Variants in FAR2 observed in about 807,000 individuals in gnomAD.
The protein encoded by FAR2 is epididymis secretory protein Li 81.
FAR2 carries 19 observed loss-of-function variants against 56.0 expected under a neutral mutation model. The observed-to-expected ratio is 0.34, with a 90% confidence interval of 0.24 to 0.50. The LOEUF (loss-of-function observed/expected upper bound fraction) is 0.50. Among genes scored for constraint, FAR2 ranks in the 20% least tolerant of loss-of-function variants. FAR2 has a pLI of 0.98. For synonymous variants in FAR2, 219 were observed against 218.8 expected, an observed-to-expected ratio of 1.00 and a Z score of -0.01; for missense variants, 508 against 642.2, an observed-to-expected ratio of 0.79 and a Z score of 2.26.
chr12:29,300,078 A>T (rs1388913239), intron 4 of FAR2, among the ~76,000 whole-genome samples: 1 of 152,186 alleles, frequency 6.6e-6, no homozygotes, highest in Non-Finnish European at 1.5e-5. Context: ...TCACTGAATG[A>T]ATGAAAAGCT....
intron 2 of FAR2, among the ~76,000 whole-genome samples, chr12:29,273,129 G>A (rs1414831940): frequency 6.6e-6 from 1 of 152,128 alleles, no homozygotes; most frequent in Non-Finnish European, 1.5e-5. Context: ...TGTGGCATTG[G>A]GAGTAGGACC....
chr12:29,252,359 C>A (rs2136678149), intron 1 of FAR2, among the ~76,000 whole-genome samples: 1 of 152,114 alleles, frequency 6.6e-6, no homozygotes, highest in South Asian at 2.1e-4. Context: ...ATTATGACTA[C>A]CTGGAGTGCT....
intron 1 of FAR2, among the ~76,000 whole-genome samples, chr12:29,262,658 T>A (rs1482350223): frequency 6.6e-6 from 1 of 151,396 alleles, no homozygotes; most frequent in Non-Finnish European, 1.5e-5. Flanking sequence ...AATAAATAAA[T>A]AAATAAAGCA....
intron 1 of FAR2, among the ~76,000 whole-genome samples, chr12:29,155,265 T>C (rs765850880): frequency 4.6e-5 from 7 of 152,194 alleles, no homozygotes; most frequent in Non-Finnish European, 1.0e-4. Context: ...TATCTGATCT[T>C]TGTAAGCCAT....
chr12:29,262,101 A>G (rs919772701), intron 1 of FAR2, among the ~76,000 whole-genome samples: 2 of 152,222 alleles, frequency 1.3e-5, no homozygotes, highest in African/African-American at 4.8e-5. Context: ...AATAACTCCA[A>G]CAATTTTTCA....
intron 2 of FAR2, among the ~76,000 whole-genome samples, chr12:29,287,457 G>C (rs940222554): frequency 3.3e-5 from 5 of 152,160 alleles, no homozygotes; most frequent in Admixed American, 3.3e-4. Context: ...ACTTATTTGT[G>C]TTTGTTTTCA....
rs1187434379 is a variant in FAR2 at position 29,303,059 on chromosome 12, G to GA, written c.546-4599_546-4598insA. On this transcript the variant is annotated intron_variant, in intron 4 of 11. Transcript: ENST00000536681. ...GAAATTTTACTCCATGAAGCAATGC[G>GA]TTTTTGAGAGCTAATCCTGATATAT... Among the ~76,000 whole-genome samples, 3 of 152,136 alleles carry GA rather than the reference G, an allele frequency of 2.0e-5. No homozygotes were observed. The East Asian group carries it at 5.8e-4, about 29-fold the overall frequency.
chr12:29,156,489 C>T (rs1361453417), intron 1 of FAR2: 4 of 152,076 alleles, frequency 2.6e-5, no homozygotes, highest in African/African-American at 4.8e-5. Context: ...CTCATATATA[C>T]AGGATAGGCA....
intron 1 of FAR2, among the ~76,000 whole-genome samples, chr12:29,222,942 C>A (rs1457976357): frequency 6.6e-6 from 1 of 152,204 alleles, no homozygotes; most frequent in African/African-American, 2.4e-5. Flanking sequence ...GAATTGCACA[C>A]ACACTGACAA....
At chr12:29,162,634 G>A (rs1031510640) in intron 1 of FAR2, among the ~76,000 whole-genome samples, 25 of 152,054 alleles carry the variant, frequency 1.6e-4, no homozygotes, top group African/African-American at 5.8e-4. Context: ...TAGACATAAG[G>A]GTTATTGGTG....
intron 1 of FAR2, among the ~76,000 whole-genome samples, chr12:29,173,824 C>T (rs538127359): frequency 4.3e-4 from 65 of 152,220 alleles, no homozygotes; most frequent in Admixed American, 1.1e-3. Flanking sequence ...CACTCACCTA[C>T]GCAGCAGCAG....
chr12:29,232,185 C>T (rs1947869942), intron 1 of FAR2, among the ~76,000 whole-genome samples: 1 of 152,150 alleles, frequency 6.6e-6, no homozygotes, highest in Non-Finnish European at 1.5e-5. Flanking sequence ...GACATTTTCT[C>T]ACCAACTTTC....
At chr12:29,295,601 G>C (rs1216441946) in intron 3 of FAR2, among the ~76,000 whole-genome samples, 2 of 146,870 alleles carry the variant, frequency 1.4e-5, no homozygotes, top group African/African-American at 2.6e-5. Context: ...AGAACAATAT[G>C]TTTTCCCATT....
intron 4 of FAR2, among the ~76,000 whole-genome samples, chr12:29,306,388 G>A (rs1454018157): frequency 6.6e-6 from 1 of 152,116 alleles, no homozygotes; most frequent in Non-Finnish European, 1.5e-5. Context: ...GATCAAATGA[G>A]GCATTAAAAT....
At chr12:29,325,118 G>A (rs1949623730) in intron 10 of FAR2, among the ~76,000 whole-genome samples, 1 of 152,088 alleles carries the variant, frequency 6.6e-6, no homozygotes, top group African/African-American at 2.4e-5. Flanking sequence ...TGATAAAACA[G>A]ACTTTAAACC....
At chr12:29,234,885 TTTA>T (rs1324201766) in intron 1 of FAR2, among the ~76,000 whole-genome samples, 1 of 152,220 alleles carries the variant, frequency 6.6e-6, no homozygotes. Flanking sequence ...ATGTATTTTA[TTTA>T]TTATTTATTT....
chr12:29,334,023 T>C lies in FAR2; in HGVS notation c.*229T>C, dbSNP rs879890598. The stretch of plus-strand genomic sequence containing the variant: ...TTTAGGGAAAAAAATCCAAATTGTT[T>C]CCTAACATTCTATTTTATGCCCTTG... On this transcript the variant is annotated 3_prime_UTR_variant, in exon 12 of 12. Coordinates refer to ENST00000536681, the MANE Select transcript of FAR2 (RefSeq NM_001271783.2). 5 of 385,120 alleles carry C rather than the reference T, an allele frequency of 1.3e-5. No homozygotes were observed. In the East Asian group the frequency reaches 2.1e-4, roughly 16 times the overall value. The allele number at this position is 385,120 out of a possible 1,614,324, so 23.9% of individuals were successfully genotyped here. A position where few individuals can be genotyped will look rare whatever the true frequency, so the allele number is the denominator to read the frequency against.
At chr12:29,309,125 T>C (rs1209136337) in intron 5 of FAR2, 61 bp from the exon 6 acceptor site, 1 of 1,171,170 alleles carries the variant, frequency 8.5e-7, no homozygotes, top group Non-Finnish European at 1.3e-6. Context: ...AGACTGCAGA[T>C]GTTCCAAAGA....
chr12:29,298,782 T>C (rs1949112169), intron 4 of FAR2, among the ~76,000 whole-genome samples: 1 of 152,186 alleles, frequency 6.6e-6, no homozygotes, highest in Non-Finnish European at 1.5e-5. Flanking sequence ...TTTTCATATT[T>C]GATATGTCCA....
Sources: gnomAD v4.1 joint callset for allele counts (sites outside exome capture counted in the v4.1 genomes callset) on GRCh38, gnomAD v4.1.1 for gene constraint, MANE v1.5 for transcripts, NCBI Gene and HGNC (gene_info 2026-07-23, HGNC 2026-07-21) for gene names.